Variants in CAD observed in about 807,000 individuals in gnomAD.
The protein encoded by CAD is carbamoyl-phosphate synthetase 2, aspartate transcarbamylase, and dihydroorotase, also known as multifunctional protein CAD.
A neutral mutation model predicts 237.2 loss-of-function variants in CAD; 81 were observed. That is an observed-to-expected ratio of 0.34 (90% CI 0.29 to 0.41). CAD has a LOEUF of 0.41. Among genes scored for constraint, CAD ranks in the 10% least tolerant of loss-of-function variants. The pLI, the probability that CAD is intolerant of heterozygous loss-of-function variation, is 1.00. For missense variants in CAD, 2,181 were observed against 2,951.7 expected, an observed-to-expected ratio of 0.74 and a Z score of 6.05; for synonymous variants, 1,196 against 1,162.8, an observed-to-expected ratio of 1.03 and a Z score of -0.58.
chr2:27,217,391 C>A lies in CAD; in HGVS notation c.-161C>A, dbSNP rs1346257029. On this transcript the variant is annotated 5_prime_UTR_variant, in exon 1 of 44. Coordinates refer to ENST00000264705, the MANE Select transcript of CAD (RefSeq NM_004341.5). The stretch of plus-strand genomic sequence containing the variant: ...CGCAGTCTCTGCTGCTGCCGCCAAG[C>A]GCGCCCGAGGCTCCTACGCTGCCGC... The A allele has an allele frequency of 1.5e-6, 1 of 652,204 alleles. No homozygotes were observed. The highest frequency in any genetic ancestry group is 2.7e-6 in the Non-Finnish European group (1 of 367,272). 40.4% of individuals were successfully genotyped at this position (652,204 alleles called of 1,614,324 possible). A position where few individuals can be genotyped will look rare whatever the true frequency, so the allele number is the denominator to read the frequency against.
At position 27,241,664 on chromosome 2, in the gene CAD, A is replaced by G. The variant is rs943873653; in HGVS notation, c.5884-247A>G. Among the ~76,000 whole-genome samples, 1 of 152,204 alleles carries G rather than the reference A, an allele frequency of 6.6e-6. No homozygotes were observed. Among genetic ancestry groups the G allele is most frequent in the Admixed American group, 6.5e-5 (1 of 15,280 alleles). The stretch of plus-strand genomic sequence containing the variant: ...GCTGCTGCAATCATGGGAGAGAGCT[A>G]GGGTGTGTCCTCCTTTCCCAGCTCG... On this transcript the variant is annotated intron_variant, in intron 38 of 43. Coordinates refer to ENST00000264705, the MANE Select transcript of CAD (RefSeq NM_004341.5). This position sits in a 1 kb window ranked among gnomAD's most constrained non-coding sequence, Gnocchi z 4.6.
rs763781229 is a variant in CAD at position 27,235,685 on chromosome 2, G to C, written c.4074+45G>C. 32 of 1,537,118 alleles carry C rather than the reference G, an allele frequency of 2.1e-5. No homozygotes were observed. Among genetic ancestry groups the C allele is most frequent in the Non-Finnish European group, 2.9e-5 (32 of 1,111,500 alleles). ...CTACCCCACTGCTGCCCTTCCCCAA[G>C]GGGGTGAAAATACTGCACCAAAGAA... On this transcript the variant is annotated intron_variant, in intron 25 of 43. Coordinates refer to ENST00000264705, the MANE Select transcript of CAD (RefSeq NM_004341.5). This position sits in a 1 kb window ranked among gnomAD's most constrained non-coding sequence, Gnocchi z 5.2.
At position 27,239,193 on chromosome 2, in the gene CAD, C is replaced by T. The variant is rs1445326293; in HGVS notation, c.5214C>T (p.Arg1738=). The change falls in exon 32 of 44, where the codon CGC becomes CGT. Residue 1738 remains arginine (R), a synonymous_variant. Coordinates refer to ENST00000264705, the MANE Select transcript of CAD (RefSeq NM_004341.5). This position sits in a 1 kb window ranked among gnomAD's most constrained non-coding sequence, Gnocchi z 4.0. The part of the protein sequence containing the change: ...LLQRLHHNPR[R]IFHLPPQEDT... Reference sequence around the variant, plus strand: ...AGCGATTGCACCACAATCCTCGGCGCATCTTTCACCTGCCCCCGCAGGAGG... The same window carrying T: ...AGCGATTGCACCACAATCCTCGGCGTATCTTTCACCTGCCCCCGCAGGAGG... The T allele has an allele frequency of 6.2e-7, 1 of 1,609,928 alleles. No individual in the cohort carries two copies. The highest frequency in any genetic ancestry group is 1.3e-5 in the African/African-American group (1 of 74,860).
In CAD at chr2:27,224,780, G is replaced by A. The variant is rs139440330; in HGVS notation, c.1290G>A (p.Thr430=). ...IKALKEENIQ[T]LLINPNIATV... ...CCCTGAAGGAGGAAAACATCCAGACGTTGCTGATCAACCCCAATATTGCCA... is the reference window on the plus strand; with the variant it reads ...CCCTGAAGGAGGAAAACATCCAGACATTGCTGATCAACCCCAATATTGCCA... The change falls in exon 10 of 44, where the codon ACG becomes ACA. Residue 430 remains threonine (T), a synonymous_variant. Transcript: ENST00000264705. The A allele has an allele frequency of 3.1e-6, 5 of 1,614,056 alleles. No homozygotes were observed. In the African/African-American group the frequency reaches 5.3e-5, roughly 17 times the overall value.
Position 27,239,640 on chromosome 2 carries a change from C to T in CAD, c.5395-57C>T. 4.0e-6 allele frequency: 6 copies of T among 1,494,072 alleles called. No individual in the cohort carries two copies. Among genetic ancestry groups the T allele is most frequent in the Non-Finnish European group, 5.5e-6 (6 of 1,094,578 alleles). 92.6% of individuals were successfully genotyped at this position (1,494,072 alleles called of 1,614,324 possible). A position where few individuals can be genotyped will look rare whatever the true frequency, so the allele number is the denominator to read the frequency against. On this transcript the variant is annotated intron_variant, in intron 33 of 43. Transcript: ENST00000264705. The surrounding 1 kb of genome is among the most constrained non-coding windows in gnomAD (Gnocchi z 4.0). ...CTTTTTGTCCTTGCTGACATCTACC[C>T]CTTTAGGACCTGAGTTCTCTCTGCT...
In CAD at chr2:27,240,113, C is replaced by T. The variant is rs1325831685; in HGVS notation, c.5497-152C>T. On this transcript the variant is annotated intron_variant, in intron 34 of 43. Transcript: ENST00000264705. This position sits in a 1 kb window ranked among gnomAD's most constrained non-coding sequence, Gnocchi z 4.6. ...AAAATTAGCCAGGCGTGGTGGTGCACATCTGTAATCCCAGCTACTTGGGAG... is the reference window on the plus strand; with the variant it reads ...AAAATTAGCCAGGCGTGGTGGTGCATATCTGTAATCCCAGCTACTTGGGAG... 8.7e-6 allele frequency: 6 copies of T among 688,506 alleles called. No homozygotes were observed. Among genetic ancestry groups the T allele is most frequent in the Admixed American group, 2.4e-5 (1 of 40,852 alleles). 42.6% of individuals were successfully genotyped at this position (688,506 alleles called of 1,614,324 possible).
Position 27,243,664 on chromosome 2 carries a change from C to T in CAD, c.*146C>T, listed in dbSNP as rs1676446070. On this transcript the variant is annotated 3_prime_UTR_variant, in exon 44 of 44. Transcript: ENST00000264705. The stretch of plus-strand genomic sequence containing the variant: ...CCACACTTCAGGCTCTGGACTGGAG[C>T]TCTCTGGCATGGGGGTGGGGCCTCA... 1 of 673,104 alleles carries T rather than the reference C, an allele frequency of 1.5e-6. No homozygotes were observed. The highest frequency in any genetic ancestry group is 2.5e-6 in the Non-Finnish European group (1 of 393,536). The allele number at this position is 673,104 out of a possible 1,614,324, so 41.7% of individuals were successfully genotyped here.
At chr2:27,223,800 T>TG (rs1301203445) in intron 7 of CAD, 52 bp downstream of exon 7, 1 of 1,599,714 alleles carries the variant, frequency 6.3e-7, no homozygotes, top group African/African-American at 1.3e-5. Flanking sequence ...TGGGCCTTGA[T>TG]GATGGAAAAG....
intron 6 of CAD, 24 bp downstream of exon 6, chr2:27,223,061 G>A (rs1242094332): frequency 6.2e-7 from 1 of 1,612,750 alleles, no homozygotes; most frequent in African/African-American, 1.3e-5. Context: ...GGAGCAGAAG[G>A]GGCCCATACT....
chr2:27,241,964 C>A lies in CAD; in HGVS notation c.5937C>A (p.Ser1979=). 6.2e-7 allele frequency: 1 copy of A among 1,613,728 alleles called. No homozygotes were observed. Among genetic ancestry groups the A allele is most frequent in the South Asian group, 1.1e-5 (1 of 91,084 alleles). The part of the protein sequence containing the change: ...FYEVSTRTSS[S]FAAAMARLGG... Reference sequence around the variant, plus strand: ...AAGTGAGCACACGGACCAGCAGCTCCTTTGCAGCAGCCATGGCCCGGCTGG... The same window carrying A: ...AAGTGAGCACACGGACCAGCAGCTCATTTGCAGCAGCCATGGCCCGGCTGG... The change falls in exon 39 of 44, where the codon TCC becomes TCA. Residue 1979 remains serine (S), a synonymous_variant. Transcript: ENST00000264705. This position sits in a 1 kb window ranked among gnomAD's most constrained non-coding sequence, Gnocchi z 4.6.
At chr2:27,218,188 G>A (rs1299740696) in intron 2 of CAD, among the ~76,000 whole-genome samples, 172 bp downstream of exon 2, 2 of 152,242 alleles carry the variant, frequency 1.3e-5, no homozygotes, top group Non-Finnish European at 2.9e-5. Flanking sequence ...GTTGTTAAGT[G>A]CCTTGGGAGG....
In CAD at chr2:27,239,150, G is replaced by A. The variant is rs138370362; in HGVS notation, c.5171G>A (p.Ser1724Asn). The A allele has an allele frequency of 4.6e-5, 74 of 1,613,582 alleles. No individual in the cohort carries two copies. The African/African-American group carries it at 8.7e-4, about 19-fold the overall frequency. ...ACGGCTGTAAGCGAGGGCCGGCTCA[G>A]CCTGGACGACCTGCTGCAGCGATTG... ...LLTAVSEGRL[S>N]LDDLLQRLHH... The change falls in exon 32 of 44, where the codon AGC (serine) becomes AAC (asparagine). Residue 1724 changes from serine (S) to asparagine (N), a missense_variant. Around this residue, in one of 12 missense-constraint regions of CAD, gnomAD observed 478 missense variants for 515.0 expected, o/e 0.93. Coordinates refer to ENST00000264705, the MANE Select transcript of CAD (RefSeq NM_004341.5). This position sits in a 1 kb window ranked among gnomAD's most constrained non-coding sequence, Gnocchi z 4.0.
intron 14 of CAD, 65 bp from the exon 15 acceptor site, chr2:27,226,767 A>C (rs1675460961): frequency 6.2e-7 from 1 of 1,604,718 alleles, no homozygotes; most frequent in Non-Finnish European, 8.5e-7. Context: ...GGAAAGAGCT[A>C]TCCGGAAGCT....
At position 27,224,834 on chromosome 2, in the gene CAD, C is replaced by G; in HGVS notation, c.1344C>G (p.Asp448Glu). ...TGCAGACCTCCCAGGGGCTGGCCGA[C>G]AAGGTCTATTTTCTTCCCATAACAC... ...ATVQTSQGLA[D>E]KVYFLPITPH... Residue 448 changes from aspartate (D) to glutamate (E), a missense_variant, in exon 10 of 44, where the codon GAC becomes GAG. Physicochemically the swap from Asp to Glu is conservative, Grantham distance 45. This residue lies in a region of CAD where 174 missense variants were observed against 215.8 expected (regional missense o/e 0.81). Coordinates refer to ENST00000264705, the MANE Select transcript of CAD (RefSeq NM_004341.5). 6.2e-7 allele frequency: 1 copy of G among 1,614,194 alleles called. No individual in the cohort carries two copies. The highest frequency in any genetic ancestry group is 2.2e-5 in the East Asian group (1 of 44,892).
At position 27,232,673 on chromosome 2, in the gene CAD, C is replaced by G. The variant is rs1054466016; in HGVS notation, c.2871C>G (p.Gly957=). 1.2e-6 allele frequency: 2 copies of G among 1,614,226 alleles called. No homozygotes were observed. The highest frequency in any genetic ancestry group is 2.2e-5 in the East Asian group (1 of 44,892). Residue 957 remains glycine, a synonymous_variant, in exon 18 of 44, where the codon GGC becomes GGG. Coordinates refer to ENST00000264705, the MANE Select transcript of CAD (RefSeq NM_004341.5). The surrounding 1 kb of genome is among the most constrained non-coding windows in gnomAD (Gnocchi z 4.1). ...SSVEFDWCAV[G]CIQQLRKMGY... is the part of the protein sequence containing the mutation. The stretch of plus-strand genomic sequence containing the variant: ...TTGAATTTGACTGGTGTGCTGTAGG[C>G]TGCATCCAGCAGCTCCGAAAGGTCA...
chr2:27,233,009 G>A lies in CAD; in HGVS notation c.2893-33G>A. ...TTTCTCCACGATTTTCCTCCCACCT[G>A]ACTGCTAAGTACCCTTCCCCTCCCT... On this transcript the variant is annotated intron_variant, in intron 18 of 43. Transcript: ENST00000264705. The surrounding 1 kb of genome is among the most constrained non-coding windows in gnomAD (Gnocchi z 6.3). 7.1e-7 allele frequency: 1 copy of A among 1,401,390 alleles called. No individual in the cohort carries two copies. Among genetic ancestry groups the A allele is most frequent in the Non-Finnish European group, 1.0e-6 (1 of 986,122 alleles). 86.8% of individuals were successfully genotyped at this position (1,401,390 alleles called of 1,614,324 possible).
At chr2:27,220,531 T>TACA (rs1675108931) in intron 2 of CAD, among the ~76,000 whole-genome samples, 1 of 151,580 alleles carries the variant, frequency 6.6e-6, no homozygotes, top group African/African-American at 2.4e-5. Context: ...ACACCTGTGG[T>TACA]CCCAACTACT....
chr2:27,236,848 A>C lies in CAD; in HGVS notation c.4396+18A>C. ...ACTGCCGGGTAAGTCTTTGGGGAGA[A>C]CTTGGCTTCTGAACACTGGCAGCCC... On this transcript the variant is annotated intron_variant, in intron 27 of 43. Transcript: ENST00000264705. This position sits in a 1 kb window ranked among gnomAD's most constrained non-coding sequence, Gnocchi z 4.1. 1.2e-6 allele frequency: 2 copies of C among 1,611,402 alleles called. No homozygotes were observed. The highest frequency in any genetic ancestry group is 2.7e-5 in the African/African-American group (2 of 74,936).
chr2:27,222,446 A>T (rs1045716972), intron 4 of CAD, 73 bp from the exon 5 acceptor site: 13 of 1,500,186 alleles, frequency 8.7e-6, no homozygotes, highest in Non-Finnish European at 1.2e-5. Flanking sequence ...TGAAGGTAGG[A>T]GTTGGTGCAG....
Sources: gnomAD v4.1 joint callset for allele counts (sites outside exome capture counted in the v4.1 genomes callset) on GRCh38, gnomAD v4.1.1 for gene constraint, gnomAD v4.1.1 regional missense constraint, Gnocchi (gnomAD v3.1) non-coding constraint, MANE v1.5 for transcripts, NCBI Gene and HGNC (gene_info 2026-07-23, HGNC 2026-07-21) for gene names.